MAP7: variants seen among roughly 807,000 people sequenced by gnomAD.
MAP7 encodes the protein ensconsin.
MAP7 carries 52 observed loss-of-function variants against 94.8 expected under a neutral mutation model. The ratio of observed to expected loss-of-function variants is 0.55; its 90% CI spans 0.44 to 0.69. The LOEUF (loss-of-function observed/expected upper bound fraction) is 0.69, where lower values mean the gene tolerates loss of function less well. Among genes scored for constraint, MAP7 ranks in the 30% least tolerant of loss-of-function variants. The pLI is 0.00. For missense variants in MAP7, 940 were observed against 964.6 expected, an observed-to-expected ratio of 0.97 and a Z score of 0.34; for synonymous variants, 350 against 357.0, an observed-to-expected ratio of 0.98 and a Z score of 0.22.
At chr6:136,460,052 C>T (rs1406307223) in intron 1 of MAP7, among the ~76,000 whole-genome samples, 2 of 151,976 alleles carry the variant, frequency 1.3e-5, no homozygotes, top group Non-Finnish European at 2.9e-5. Context: ...CTTTTGAATC[C>T]CACTTTTGAA....
At chr6:136,535,703 G>A (rs951286889) in intron 1 of MAP7, among the ~76,000 whole-genome samples, 1 of 147,088 alleles carries the variant, frequency 6.8e-6, no homozygotes, top group Non-Finnish European at 1.5e-5. Flanking sequence ...AAGCTTAGAA[G>A]CTTTTTTTTT....
intron 3 of MAP7, among the ~76,000 whole-genome samples, chr6:136,408,387 CAG>C: frequency 6.6e-6 from 1 of 152,288 alleles, no homozygotes; most frequent in South Asian, 2.1e-4. Flanking sequence ...AAGCATGACT[CAG>C]AGATTTAACC....
chr6:136,393,807 T>A (rs909774230), intron 3 of MAP7, among the ~76,000 whole-genome samples: 5 of 145,970 alleles, frequency 3.4e-5, no homozygotes, highest in African/African-American at 1.3e-4. Flanking sequence ...AATTTTTTTT[T>A]TTTTTTTTTT....
At chr6:136,441,371 T>C (rs1413236580) in intron 1 of MAP7, among the ~76,000 whole-genome samples, 1 of 152,114 alleles carries the variant, frequency 6.6e-6, no homozygotes, top group Admixed American at 6.5e-5. Context: ...AAAAAACAAA[T>C]TCAGGAAATA....
intron 1 of MAP7, among the ~76,000 whole-genome samples, chr6:136,548,218 G>C (rs1288709778): frequency 6.6e-6 from 1 of 151,126 alleles, no homozygotes; most frequent in African/African-American, 2.4e-5. Context: ...CTAAATTAAA[G>C]TCTCATATTC....
At chr6:136,362,815 G>A (rs887128957) in intron 10 of MAP7, 113 bp from the exon 11 acceptor site, 1 of 1,459,154 alleles carries the variant, frequency 6.9e-7, no homozygotes, top group Non-Finnish European at 9.1e-7. Context: ...GAAAGAAAAG[G>A]GAATGTTTAT....
chr6:136,512,905 C>T (rs1823693158), intron 1 of MAP7, among the ~76,000 whole-genome samples: 1 of 151,574 alleles, frequency 6.6e-6, no homozygotes, highest in South Asian at 2.1e-4. Flanking sequence ...AACCACAGGT[C>T]ACTGCAGTCT....
intron 1 of MAP7, among the ~76,000 whole-genome samples, chr6:136,503,554 A>T (rs1040240215): frequency 7.9e-5 from 12 of 152,198 alleles, no homozygotes; most frequent in Non-Finnish European, 1.2e-4. Context: ...CCTTAGGAAA[A>T]CAATTAGCTT....
chr6:136,457,210 G>C (rs1250562219), intron 1 of MAP7, among the ~76,000 whole-genome samples: 1 of 150,318 alleles, frequency 6.7e-6, no homozygotes, highest in Non-Finnish European at 1.5e-5. Context: ...AAAAGGAGGA[G>C]AAAAATTTGT....
chr6:136,542,346 A>T (rs560141807), intron 1 of MAP7, among the ~76,000 whole-genome samples: 4 of 152,214 alleles, frequency 2.6e-5, no homozygotes, highest in African/African-American at 4.8e-5. Context: ...AGCTTACAGA[A>T]CCTTAGACCA....
At chr6:136,352,893 G>T (rs1254345749) in intron 16 of MAP7, among the ~76,000 whole-genome samples, 2 of 152,184 alleles carry the variant, frequency 1.3e-5, no homozygotes, top group Non-Finnish European at 2.9e-5. Flanking sequence ...TCTTGTACTT[G>T]TTGCTATAAG....
intron 1 of MAP7, among the ~76,000 whole-genome samples, chr6:136,471,950 A>G (rs998741878): frequency 6.6e-6 from 1 of 152,158 alleles, no homozygotes; most frequent in African/African-American, 2.4e-5. Flanking sequence ...TTAAATATTT[A>G]TGATTGAAGC....
At chr6:136,496,910 C>T (rs137921748) in intron 1 of MAP7, among the ~76,000 whole-genome samples, 6,718 of 151,322 alleles carry the variant, frequency 0.044, 514 homozygotes, top group African/African-American at 0.15. Context: ...GCGGAGATCG[C>T]GCCACTGCAC....
chr6:136,373,857 A>G (rs1411901213), intron 7 of MAP7, among the ~76,000 whole-genome samples: 1 of 152,154 alleles, frequency 6.6e-6, no homozygotes. Flanking sequence ...TTGAAAAAAG[A>G]TTTGCTATTT....
At chr6:136,351,472 C>T (rs1356069801) in intron 16 of MAP7, among the ~76,000 whole-genome samples, 1 of 152,116 alleles carries the variant, frequency 6.6e-6, no homozygotes, top group Admixed American at 6.5e-5. Context: ...TTTCACTGAA[C>T]CTCCCAATAC....
intron 2 of MAP7, among the ~76,000 whole-genome samples, chr6:136,414,549 C>A (rs992918826): frequency 4.0e-5 from 6 of 151,858 alleles, no homozygotes; most frequent in African/African-American, 1.5e-4. Flanking sequence ...AGAAAGAACT[C>A]GGGATAAAAG....
chr6:136,405,650 A>G (rs1295602512), intron 3 of MAP7, among the ~76,000 whole-genome samples: 3 of 152,334 alleles, frequency 2.0e-5, no homozygotes, highest in Non-Finnish European at 4.4e-5. Context: ...GGCAGGCCAT[A>G]TTGCAAGTGG....
chr6:136,375,562 T>A (rs955189590), intron 7 of MAP7, among the ~76,000 whole-genome samples: 3 of 152,042 alleles, frequency 2.0e-5, no homozygotes, highest in African/African-American at 7.2e-5. Context: ...GGACAATAGA[T>A]GAAAAATAAA....
chr6:136,375,804 G>T (rs1050823840), intron 7 of MAP7, among the ~76,000 whole-genome samples: 1 of 152,260 alleles, frequency 6.6e-6, no homozygotes, highest in South Asian at 2.1e-4. Flanking sequence ...CTTGTGAAAA[G>T]GAGAATGGAA....
Sources: allele counts gnomAD v4.1 joint callset (sites outside exome capture counted in the v4.1 genomes callset), GRCh38; gene constraint gnomAD v4.1.1; transcripts MANE v1.5; gene names NCBI Gene and HGNC (gene_info 2026-07-23, HGNC 2026-07-21).